The following ASTN1 variants were observed in gnomAD, a reference collection of about 807,000 sequenced individuals.
The protein encoded by ASTN1 is astrotactin-1.
In ASTN1, 41 loss-of-function variants were observed where a neutral mutation model predicts 140.7. That is an observed-to-expected ratio of 0.29 (90% CI 0.23 to 0.38). ASTN1 has a LOEUF of 0.38. ASTN1 is among the 10% of genes least tolerant of loss of function. The pLI is 1.00. For missense variants in ASTN1, 1,479 were observed against 1,678.8 expected, an observed-to-expected ratio of 0.88 and a Z score of 2.08; for synonymous variants, 640 against 652.2, an observed-to-expected ratio of 0.98 and a Z score of 0.29.
intron 5 of ASTN1, 92 bp downstream of exon 5, chr1:177,029,542 A>G: frequency 9.9e-6 from 13 of 1,307,570 alleles, no homozygotes; most frequent in Non-Finnish European, 1.3e-5. Flanking sequence ...TGTTCCATAG[A>G]GCCCACAACC....
At chr1:177,004,946 T>C (rs539674798) in intron 8 of ASTN1, among the ~76,000 whole-genome samples, 3 of 152,006 alleles carry the variant, frequency 2.0e-5, no homozygotes, top group Non-Finnish European at 4.4e-5. Flanking sequence ...ACCCCAAAAG[T>C]AAATGCAAAA....
At chr1:176,910,878 G>A (rs937216545) in intron 16 of ASTN1, among the ~76,000 whole-genome samples, 4 of 152,204 alleles carry the variant, frequency 2.6e-5, no homozygotes, top group African/African-American at 9.6e-5. Flanking sequence ...ATTGTGAACT[G>A]CACATGCAAG....
intron 2 of ASTN1, among the ~76,000 whole-genome samples, chr1:177,057,291 A>C (rs924800753): frequency 6.6e-6 from 1 of 152,202 alleles, no homozygotes; most frequent in African/African-American, 2.4e-5. Flanking sequence ...AATTTTGCTG[A>C]TGGTCGATTT....
intron 1 of ASTN1, among the ~76,000 whole-genome samples, chr1:177,143,437 A>G (rs1682561647): frequency 6.6e-6 from 1 of 152,196 alleles, no homozygotes; most frequent in African/African-American, 2.4e-5. Context: ...GAGAATGCAA[A>G]TCACTGAGAA....
At chr1:176,961,595 T>C (rs1672667026) in intron 9 of ASTN1, among the ~76,000 whole-genome samples, 1 of 152,176 alleles carries the variant, frequency 6.6e-6, no homozygotes, top group South Asian at 2.1e-4. Context: ...AATGGGAAAA[T>C]TGGGATTGGT....
At chr1:176,936,217 C>T in intron 15 of ASTN1, 49 bp downstream of exon 15, 1 of 1,539,720 alleles carries the variant, frequency 6.5e-7, no homozygotes, top group Non-Finnish European at 9.0e-7. Flanking sequence ...TTGGAAAGGA[C>T]TTCTAAGTTC....
chr1:177,065,433 C>A (rs1045441598), intron 1 of ASTN1, among the ~76,000 whole-genome samples: 1 of 152,122 alleles, frequency 6.6e-6, no homozygotes, highest in Admixed American at 6.6e-5. Context: ...GTTACATGGT[C>A]CCTATTCTCA....
chr1:177,122,892 C>T (rs1681470376), intron 1 of ASTN1, among the ~76,000 whole-genome samples: 1 of 152,144 alleles, frequency 6.6e-6, no homozygotes, highest in Admixed American at 6.5e-5. Context: ...AAGCTAGGAT[C>T]AGAACAACAA....
At chr1:177,136,285 A>T (rs1047612527) in intron 1 of ASTN1, among the ~76,000 whole-genome samples, 1 of 151,814 alleles carries the variant, frequency 6.6e-6, no homozygotes, top group Non-Finnish European at 1.5e-5. Context: ...CCAATAGAAT[A>T]GTCTCTACAT....
Position 176,864,168 on chromosome 1 carries a change from G to A in ASTN1, c.*116C>T, listed in dbSNP as rs1668055287. ...GGATCACTTTCTCCCTGGTTTCGAT[G>A]TTGCTGTGGAGGTTTTCATGTTCCA... On this transcript the variant is annotated 3_prime_UTR_variant, in exon 23 of 23. Coordinates refer to ENST00000361833, the MANE Select transcript of ASTN1 (RefSeq NM_004319.3). 7 of 1,502,102 alleles carry A rather than the reference G, an allele frequency of 4.7e-6. No individual in the cohort carries two copies. The highest frequency in any genetic ancestry group is 6.2e-6 in the Non-Finnish European group (7 of 1,133,376). 93.0% of individuals were successfully genotyped at this position (1,502,102 alleles called of 1,614,324 possible).
chr1:177,083,254 T>G (rs1302951698), intron 1 of ASTN1, among the ~76,000 whole-genome samples: 2 of 152,120 alleles, frequency 1.3e-5, no homozygotes, highest in East Asian at 3.9e-4. Context: ...CCATATGTTT[T>G]TGGTTGTCTG....
At chr1:177,025,183 T>C (rs1366653069) in intron 5 of ASTN1, among the ~76,000 whole-genome samples, 1 of 152,140 alleles carries the variant, frequency 6.6e-6, no homozygotes, top group Non-Finnish European at 1.5e-5. Context: ...AGGAGGAACT[T>C]CCTGAGCTGG....
intron 2 of ASTN1, among the ~76,000 whole-genome samples, chr1:177,041,087 G>A (rs73045502): frequency 0.011 from 1,696 of 152,268 alleles, 44 homozygotes; most frequent in African/African-American, 0.039. Flanking sequence ...TTAAGGCCAA[G>A]CAGGGCTGGG....
intron 1 of ASTN1, among the ~76,000 whole-genome samples, chr1:177,076,343 TCA>T (rs1678911847): frequency 6.7e-6 from 1 of 148,400 alleles, no homozygotes; most frequent in Admixed American, 6.7e-5. Flanking sequence ...AAGAAATCCC[TCA>T]CACCATGCAC....
At chr1:177,123,582 C>T (rs574442781) in intron 1 of ASTN1, among the ~76,000 whole-genome samples, 2 of 152,270 alleles carry the variant, frequency 1.3e-5, no homozygotes, top group South Asian at 4.1e-4. Context: ...ATGGTGACCA[C>T]AGATCATGGA....
At chr1:177,022,300 T>G (rs7540842) in intron 7 of ASTN1, among the ~76,000 whole-genome samples, 73,934 of 152,036 alleles carry the variant, frequency 0.49, 19,433 homozygotes, top group Non-Finnish European at 0.6. Flanking sequence ...AGCTTCAGGG[T>G]TTGGGCCCCA....
At chr1:176,906,365 G>T (rs902890975) in intron 16 of ASTN1, among the ~76,000 whole-genome samples, 1 of 152,186 alleles carries the variant, frequency 6.6e-6, no homozygotes, top group African/African-American at 2.4e-5. Flanking sequence ...TGAGCCACAG[G>T]TTTTCACTGA....
chr1:177,040,016 T>C (rs1490397165), intron 2 of ASTN1, among the ~76,000 whole-genome samples: 1 of 152,214 alleles, frequency 6.6e-6, no homozygotes, highest in Admixed American at 6.5e-5. Flanking sequence ...AACACATTAT[T>C]GACCATGAAG....
intron 1 of ASTN1, among the ~76,000 whole-genome samples, chr1:177,067,712 G>A (rs1678434593): frequency 6.6e-6 from 1 of 152,154 alleles, no homozygotes; most frequent in African/African-American, 2.4e-5. Flanking sequence ...CTTAATGTCT[G>A]TGGAAAGGGA....
Sources: allele counts gnomAD v4.1 joint callset (sites outside exome capture counted in the v4.1 genomes callset), GRCh38; gene constraint gnomAD v4.1.1; transcripts MANE v1.5; gene names NCBI Gene and HGNC (gene_info 2026-07-23, HGNC 2026-07-21).